Variants in VKORC1L1 observed in about 807,000 individuals in gnomAD.
VKORC1L1 encodes vitamin K epoxide reductase complex subunit 1L1.
A neutral mutation model predicts 18.9 loss-of-function variants in VKORC1L1; 2 were observed. The ratio of observed to expected loss-of-function variants is 0.11; its 90% confidence interval spans 0.04 to 0.33. VKORC1L1 has a LOEUF of 0.33. VKORC1L1 is among the 10% of genes least tolerant of loss of function. The pLI, the probability that VKORC1L1 is intolerant of heterozygous loss-of-function variation, is 1.00. For missense variants in VKORC1L1, 123 were observed against 224.1 expected (o/e 0.55, Z 2.88); for synonymous variants, 96 against 100.0 (o/e 0.96, Z 0.24).
chr7:65,947,362 A>G (rs1050453304), intron 1 of VKORC1L1, among the ~76,000 whole-genome samples: 5 of 151,394 alleles, frequency 3.3e-5, no homozygotes, highest in Non-Finnish European at 1.5e-5. Context: ...CTTCAGAACC[A>G]AAGTTTAGAT....
Position 65,954,421 on chromosome 7 carries a change from A to C in VKORC1L1, c.*121A>C. On this transcript the variant is annotated 3_prime_UTR_variant, in exon 3 of 3. Coordinates refer to ENST00000360768, the MANE Select transcript of VKORC1L1 (RefSeq NM_173517.6). ...AACAGACACTTTCCCTAAGAATCTC[A>C]AACTGATTTTTAAAAATCCGGTAAA... is the stretch of plus-strand genomic sequence containing the variant. 140 of 1,383,316 alleles carry C rather than the reference A, an allele frequency of 1.0e-4. No homozygotes were observed. Among genetic ancestry groups the C allele is most frequent in the Middle Eastern group, 2.6e-4 (1 of 3,816 alleles). 85.7% of individuals were successfully genotyped at this position (1,383,316 alleles called of 1,614,324 possible). A position where few individuals can be genotyped will look rare whatever the true frequency, so the allele number is the denominator to read the frequency against.
chr7:65,948,809 T>C, intron 2 of VKORC1L1, 29 bp downstream of exon 2: 1 of 896,988 alleles, frequency 1.1e-6, no homozygotes, highest in Non-Finnish European at 1.7e-6. Context: ...AAAAATAAGT[T>C]TGTTATATTC....
intron 1 of VKORC1L1, among the ~76,000 whole-genome samples, chr7:65,933,405 G>A (rs1354876816): frequency 1.3e-5 from 2 of 151,860 alleles, no homozygotes; most frequent in African/African-American, 2.4e-5. Flanking sequence ...AAGTTCCCTT[G>A]TCCTGGAGAC....
Position 65,873,385 on chromosome 7 carries a change from T to C in VKORC1L1, c.14T>C (p.Val5Ala), listed in dbSNP as rs1562977432. Residue 5 changes from valine (V) to alanine (A), a missense_variant, in exon 1 of 3, where the codon GTC becomes GCC. Val to Ala is a moderately conservative substitution (Grantham distance 64). Around this residue, in one of 4 missense-constraint regions of VKORC1L1, gnomAD observed 60 missense variants for 76.9 expected, o/e 0.78. Transcript: ENST00000360768. Reference sequence around the variant, plus strand: ...GGCGGCGGGAAGATGGCGGCTCCCGTCCTGCTAAGAGTGTCGGTGCCGCGG... The same window carrying C: ...GGCGGCGGGAAGATGGCGGCTCCCGCCCTGCTAAGAGTGTCGGTGCCGCGG... MAAP[V>A]LLRVSVPRWE... The C allele has an allele frequency of 6.5e-7, 1 of 1,531,198 alleles. No homozygotes were observed. Among genetic ancestry groups the C allele is most frequent in the Non-Finnish European group, 8.8e-7 (1 of 1,142,112 alleles). 94.9% of individuals were successfully genotyped at this position (1,531,198 alleles called of 1,614,324 possible).
Position 65,954,514 on chromosome 7 carries a change from C to T in VKORC1L1, c.*214C>T, listed in dbSNP as rs1165665232. Reference sequence around the variant, plus strand: ...AAATATGGATACAAAAAGGATACGCCGAGCCAATCAAAGACAAGCTTTAAC... The same window carrying T: ...AAATATGGATACAAAAAGGATACGCTGAGCCAATCAAAGACAAGCTTTAAC... On this transcript the variant is annotated 3_prime_UTR_variant, in exon 3 of 3. Transcript: ENST00000360768. The T allele has an allele frequency of 6.1e-6, 5 of 826,162 alleles. No individual in the cohort carries two copies. Among genetic ancestry groups the T allele is most frequent in the Admixed American group, 3.5e-5 (1 of 28,626 alleles). The allele number at this position is 826,162 out of a possible 1,614,324, so 51.2% of individuals were successfully genotyped here. A position where few individuals can be genotyped will look rare whatever the true frequency, so the allele number is the denominator to read the frequency against.
chr7:65,924,894 C>T (rs568193872), intron 1 of VKORC1L1, among the ~76,000 whole-genome samples: 2 of 152,164 alleles, frequency 1.3e-5, no homozygotes, highest in African/African-American at 4.8e-5. Context: ...TCTCCTGTAC[C>T]TTCCTGTTAC....
At chr7:65,898,930 T>TA (rs889189186) in intron 1 of VKORC1L1, among the ~76,000 whole-genome samples, 1 of 152,202 alleles carries the variant, frequency 6.6e-6, no homozygotes, top group African/African-American at 2.4e-5. Context: ...TGCCCTTTTG[T>TA]AACTGGTTTG....
chr7:65,945,197 G>T (rs1463139166), intron 1 of VKORC1L1, among the ~76,000 whole-genome samples: 1 of 151,738 alleles, frequency 6.6e-6, no homozygotes, highest in African/African-American at 2.4e-5. Context: ...AGTGGTGAAG[G>T]TTGCATTGAG....
intron 1 of VKORC1L1, among the ~76,000 whole-genome samples, chr7:65,895,508 T>TAC (rs1562986711): frequency 7.5e-5 from 7 of 92,740 alleles, no homozygotes; most frequent in Non-Finnish European, 1.3e-4. Flanking sequence ...TATATATATA[T>TAC]ATATATATAC....
intron 1 of VKORC1L1, among the ~76,000 whole-genome samples, chr7:65,942,210 G>A (rs1422848383): frequency 2.6e-5 from 4 of 151,944 alleles, no homozygotes; most frequent in South Asian, 4.2e-4. Flanking sequence ...CTTGTTGGCC[G>A]GATGCAGTGA....
intron 2 of VKORC1L1, among the ~76,000 whole-genome samples, chr7:65,949,964 A>G (rs1790185947): frequency 6.6e-6 from 1 of 152,184 alleles, no homozygotes; most frequent in Non-Finnish European, 1.5e-5. Context: ...ATTTCCAAGC[A>G]TAGTATCAAA....
chr7:65,952,719 A>G (rs1298207424), intron 2 of VKORC1L1, among the ~76,000 whole-genome samples: 1 of 151,786 alleles, frequency 6.6e-6, no homozygotes, highest in Non-Finnish European at 1.5e-5. Context: ...GTTGCCTATA[A>G]GAAATTAAAA....
At chr7:65,942,317 C>G (rs1211406546) in intron 1 of VKORC1L1, among the ~76,000 whole-genome samples, 2 of 151,418 alleles carry the variant, frequency 1.3e-5, no homozygotes, top group Non-Finnish European at 2.9e-5. Context: ...GAAACCCCAT[C>G]TCTACTAAAA....
At chr7:65,920,438 A>T (rs1789656443) in intron 1 of VKORC1L1, among the ~76,000 whole-genome samples, 1 of 152,178 alleles carries the variant, frequency 6.6e-6, no homozygotes, top group African/African-American at 2.4e-5. Context: ...TCACTGCTGA[A>T]TGATCCTTCT....
chr7:65,880,113 C>T (rs1562980622), intron 1 of VKORC1L1, among the ~76,000 whole-genome samples: 1 of 152,136 alleles, frequency 6.6e-6, no homozygotes, highest in East Asian at 1.9e-4. Context: ...CTTGGCCTCC[C>T]AAAGTGCTGA....
intron 1 of VKORC1L1, among the ~76,000 whole-genome samples, chr7:65,918,412 T>C (rs1268111551): frequency 2.0e-5 from 3 of 152,242 alleles, no homozygotes; most frequent in Non-Finnish European, 4.4e-5. Flanking sequence ...CATTTCCTTT[T>C]GAAATTACTA....
At chr7:65,920,623 G>A (rs1430561768) in intron 1 of VKORC1L1, among the ~76,000 whole-genome samples, 3 of 152,120 alleles carry the variant, frequency 2.0e-5, no homozygotes, top group Non-Finnish European at 4.4e-5. Flanking sequence ...TCAAAAGCTG[G>A]GATCTGAAAG....
intron 1 of VKORC1L1, among the ~76,000 whole-genome samples, chr7:65,897,321 TAAG>T (rs1293230287): frequency 6.6e-6 from 1 of 152,202 alleles, no homozygotes; most frequent in Non-Finnish European, 1.5e-5. Context: ...TTAACATGAT[TAAG>T]AAGTTTGATT....
chr7:65,883,661 G>T (rs549726143), intron 1 of VKORC1L1, among the ~76,000 whole-genome samples: 3 of 151,054 alleles, frequency 2.0e-5, no homozygotes, highest in Non-Finnish European at 4.4e-5. Flanking sequence ...CACCAAACCC[G>T]GCTAATTTTT....
Sources: gnomAD v4.1 joint callset for allele counts (sites outside exome capture counted in the v4.1 genomes callset) on GRCh38, gnomAD v4.1.1 for gene constraint, gnomAD v4.1.1 regional missense constraint, MANE v1.5 for transcripts, NCBI Gene and HGNC (gene_info 2026-07-23, HGNC 2026-07-21) for gene names.